The following RGS7 variants were observed in gnomAD, a reference collection of about 807,000 sequenced individuals.
The protein encoded by RGS7 is regulator of G protein signaling 7.
Under a neutral mutation model 81.1 loss-of-function variants are expected in RGS7, and 27 were observed. That is an observed-to-expected ratio of 0.33 (90% CI 0.25 to 0.46). The LOEUF (loss-of-function observed/expected upper bound fraction) is 0.46. RGS7 is among the 20% of genes least tolerant of loss of function. The probability of loss-of-function intolerance (pLI) is 1.00; values close to 1 mark genes in which losing one functional copy is unlikely to be tolerated. For synonymous variants in RGS7, 208 were observed against 207.7 expected (o/e 1.00, Z -0.01); for missense variants, 396 against 607.4 (o/e 0.65, Z 3.66).
chr1:240,867,251 C>T (rs975560772), intron 9 of RGS7, among the ~76,000 whole-genome samples: 1 of 152,052 alleles, frequency 6.6e-6, no homozygotes, highest in African/African-American at 2.4e-5. Flanking sequence ...ATAAACAAAC[C>T]TTTGGAGACT....
At chr1:241,050,616 T>C (rs1388145226) in intron 3 of RGS7, among the ~76,000 whole-genome samples, 1 of 152,136 alleles carries the variant, frequency 6.6e-6, no homozygotes, top group Non-Finnish European at 1.5e-5. Context: ...TGCACAGGTC[T>C]GCTTATCCCT....
At chr1:241,017,437 C>T (rs7536871) in intron 3 of RGS7, among the ~76,000 whole-genome samples, 4,925 of 111,720 alleles carry the variant, frequency 0.044, 363 homozygotes, top group African/African-American at 0.18. Flanking sequence ...AACACTCTGT[C>T]TCAAAAAAAA....
intron 4 of RGS7, among the ~76,000 whole-genome samples, chr1:240,950,401 G>A (rs1679362059): frequency 2.0e-5 from 3 of 152,176 alleles, no homozygotes; most frequent in South Asian, 4.1e-4. Context: ...CAGGGAAAGG[G>A]CATTTCTCCA....
intron 2 of RGS7, among the ~76,000 whole-genome samples, chr1:241,149,352 T>A (rs1037889499): frequency 1.3e-5 from 2 of 152,280 alleles, no homozygotes; most frequent in African/African-American, 4.8e-5. Context: ...CATTTTTGTA[T>A]TTTTTGTAGA....
At chr1:240,961,160 A>AG (rs1465256745) in intron 4 of RGS7, among the ~76,000 whole-genome samples, 2 of 151,432 alleles carry the variant, frequency 1.3e-5, no homozygotes, top group African/African-American at 4.9e-5. Flanking sequence ...ATAGCCAATT[A>AG]GAAAAAAAAA....
chr1:240,985,635 G>GT lies in RGS7; in HGVS notation c.176-2507dup, dbSNP rs574132117. Among the ~76,000 whole-genome samples the GT allele has an allele frequency of 2.2e-4, 33 of 152,198 alleles. No homozygotes were observed. The South Asian group carries it at 6.6e-3, about 31-fold the overall frequency. ...GTGCCACTTAGCAGATGCTGTAGTAGTTTTTTTATTGTGTGATCGCCCCAG... is the reference window on the plus strand; with the variant it reads ...GTGCCACTTAGCAGATGCTGTAGTAGTTTTTTTTATTGTGTGATCGCCCCAG... On this transcript the variant is annotated intron_variant, in intron 3 of 18. Transcript: ENST00000440928.
At chr1:240,991,174 T>C (rs762944089) in intron 3 of RGS7, among the ~76,000 whole-genome samples, 1 of 152,220 alleles carries the variant, frequency 6.6e-6, no homozygotes, top group African/African-American at 2.4e-5. Context: ...GGCTGTTCCT[T>C]GAGCAGACAT....
chr1:241,078,321 G>A (rs2062936540), intron 3 of RGS7, among the ~76,000 whole-genome samples: 1 of 148,412 alleles, frequency 6.7e-6, no homozygotes, highest in African/African-American at 2.5e-5. Context: ...GTGTGTGTGT[G>A]TGTGTGTGTG....
At chr1:241,127,035 T>C (rs559349102) in intron 2 of RGS7, among the ~76,000 whole-genome samples, 1 of 152,174 alleles carries the variant, frequency 6.6e-6, no homozygotes, top group South Asian at 2.1e-4. Context: ...AATTTGGCCT[T>C]AGCATCTTAT....
At chr1:241,191,129 A>C (rs1238336202) in intron 2 of RGS7, among the ~76,000 whole-genome samples, 1 of 151,902 alleles carries the variant, frequency 6.6e-6, no homozygotes, top group Non-Finnish European at 1.5e-5. Flanking sequence ...CTACAGGTGC[A>C]CGCCACCACA....
At chr1:241,327,138 GA>G (rs747225305) in intron 2 of RGS7, among the ~76,000 whole-genome samples, 2 of 104,634 alleles carry the variant, frequency 1.9e-5, no homozygotes, top group African/African-American at 6.7e-5. Flanking sequence ...AAGAAAGAAA[GA>G]AAGAAAGGAA....
chr1:241,044,679 A>T (rs1370333039), intron 3 of RGS7, among the ~76,000 whole-genome samples: 1 of 151,928 alleles, frequency 6.6e-6, no homozygotes, highest in Non-Finnish European at 1.5e-5. Flanking sequence ...CAGTCTTCCC[A>T]CCTCAGCCAC....
intron 4 of RGS7, among the ~76,000 whole-genome samples, chr1:240,978,530 G>A (rs545449735): frequency 1.1e-4 from 17 of 152,020 alleles, no homozygotes; most frequent in Non-Finnish European, 2.2e-4. Context: ...GGGCTGAATC[G>A]GCAGTGAAGA....
intron 2 of RGS7, among the ~76,000 whole-genome samples, chr1:241,181,948 G>GC (rs759401064): frequency 1.3e-5 from 2 of 152,094 alleles, no homozygotes; most frequent in Non-Finnish European, 2.9e-5. Flanking sequence ...CAATCCTCCT[G>GC]CCCCCCAAAG....
intron 2 of RGS7, among the ~76,000 whole-genome samples, chr1:241,207,064 G>A (rs1018356761): frequency 9.0e-5 from 13 of 144,754 alleles, no homozygotes; most frequent in African/African-American, 3.3e-4. Context: ...CGCCTCCCGG[G>A]TTCACGCCAT....
At chr1:241,166,160 A>G (rs1386522846) in intron 2 of RGS7, among the ~76,000 whole-genome samples, 2 of 152,348 alleles carry the variant, frequency 1.3e-5, no homozygotes, top group South Asian at 2.1e-4. Flanking sequence ...CCAGAAAAGC[A>G]TCTCTTAATA....
At chr1:240,998,875 A>G (rs1558576532) in intron 3 of RGS7, 3 of 441,840 alleles carry the variant, frequency 6.8e-6, no homozygotes, top group East Asian at 5.4e-5. Context: ...AGGTTCTTCA[A>G]GCACTTTTTT....
chr1:240,863,483 T>C (rs1218569632), intron 9 of RGS7, among the ~76,000 whole-genome samples: 1 of 152,066 alleles, frequency 6.6e-6, no homozygotes, highest in African/African-American at 2.4e-5. Context: ...TTAAAAAACA[T>C]AAATAAATAA....
At chr1:240,857,818 C>G (rs969398168) in intron 9 of RGS7, among the ~76,000 whole-genome samples, 3 of 152,068 alleles carry the variant, frequency 2.0e-5, no homozygotes, top group Non-Finnish European at 2.9e-5. Flanking sequence ...TGGGAGGGAC[C>G]TGGTGGGAGG....
Sources: allele counts gnomAD v4.1 joint callset (sites outside exome capture counted in the v4.1 genomes callset), GRCh38; gene constraint gnomAD v4.1.1; transcripts MANE v1.5; gene names NCBI Gene and HGNC (gene_info 2026-07-23, HGNC 2026-07-21).